GPC6: variants seen among roughly 807,000 people sequenced by gnomAD.
The protein encoded by GPC6 is glypican 6.
In GPC6, 14 loss-of-function variants were observed where a neutral mutation model predicts 55.2. That is an observed-to-expected ratio of 0.25 (90% confidence interval 0.17 to 0.40). The LOEUF (loss-of-function observed/expected upper bound fraction) is 0.40, where lower values mean the gene tolerates loss of function less well. GPC6 is among the 10% of genes least tolerant of loss of function. The pLI is 1.00. For missense variants in GPC6, 641 were observed against 708.5 expected (o/e 0.90, Z 1.08); for synonymous variants, 278 against 259.6 (o/e 1.07, Z -0.68).
intron 2 of GPC6, among the ~76,000 whole-genome samples, chr13:93,778,007 G>A (rs906739966): frequency 6.6e-6 from 1 of 152,156 alleles, no homozygotes; most frequent in Non-Finnish European, 1.5e-5. Context: ...TCAAAGGTGA[G>A]CTTTTTCAAT....
At chr13:93,401,076 T>G (rs1876053685) in intron 1 of GPC6, among the ~76,000 whole-genome samples, 2 of 152,056 alleles carry the variant, frequency 1.3e-5, no homozygotes, top group Admixed American at 1.3e-4. Context: ...ATAATATAAG[T>G]TGAAATCATA....
chr13:94,225,133 G>T (rs146022826), intron 4 of GPC6, among the ~76,000 whole-genome samples: 1 of 152,166 alleles, frequency 6.6e-6, no homozygotes, highest in East Asian at 1.9e-4. Flanking sequence ...TAGGGTGTCG[G>T]CTGTTCTTTG....
At chr13:94,314,518 G>A (rs1052550129) in intron 6 of GPC6, among the ~76,000 whole-genome samples, 1 of 152,156 alleles carries the variant, frequency 6.6e-6, no homozygotes, top group Admixed American at 6.5e-5. Context: ...TGTAATTGGT[G>A]TTTTGGTAGA....
At chr13:94,173,512 A>G (rs556784694) in intron 4 of GPC6, among the ~76,000 whole-genome samples, 17 of 152,274 alleles carry the variant, frequency 1.1e-4, no homozygotes. Context: ...GATTCTGTGA[A>G]AAAGATGACC....
intron 3 of GPC6, among the ~76,000 whole-genome samples, chr13:93,922,916 A>G (rs1310518538): frequency 1.3e-5 from 2 of 152,178 alleles, no homozygotes; most frequent in Admixed American, 6.5e-5. Context: ...ACCATTCAAT[A>G]CCACCTCTTA....
chr13:94,125,780 G>A (rs1320502764), intron 4 of GPC6, among the ~76,000 whole-genome samples: 2 of 151,688 alleles, frequency 1.3e-5, no homozygotes, highest in Non-Finnish European at 2.9e-5. Flanking sequence ...TGAGCGTGGA[G>A]CACTGCTGTG....
chr13:93,443,456 A>T (rs575889328), intron 1 of GPC6, among the ~76,000 whole-genome samples: 2 of 152,340 alleles, frequency 1.3e-5, no homozygotes, highest in Admixed American at 6.5e-5. Flanking sequence ...CATTTTGTTA[A>T]GCACCTTGGT....
Position 94,262,291 on chromosome 13 carries a change from C to T in GPC6, c.878-24058C>T, listed in dbSNP as rs572552860. On this transcript the variant is annotated intron_variant, in intron 4 of 8. Transcript: ENST00000377047. ...GGTCTACACTGATGCCAGGGGTCCA[C>T]AGGCAAGATCCTGACTTACCTAGTT... Among the ~76,000 whole-genome samples, 4 of 152,266 alleles carry T rather than the reference C, an allele frequency of 2.6e-5. No homozygotes were observed. In the East Asian group the frequency reaches 7.7e-4, roughly 29 times the overall value.
chr13:93,246,778 C>G (rs1395726126), intron 1 of GPC6, among the ~76,000 whole-genome samples: 2 of 89,972 alleles, frequency 2.2e-5, no homozygotes, highest in East Asian at 3.5e-4. Context: ...GGCGGCAGAG[C>G]AAGACTGTCT....
At chr13:93,952,959 C>T (rs1233774593) in intron 3 of GPC6, among the ~76,000 whole-genome samples, 1 of 149,446 alleles carries the variant, frequency 6.7e-6, no homozygotes, top group African/African-American at 2.5e-5. Context: ...TGGCTCAAAA[C>T]ACCTCTATTA....
chr13:93,879,211 T>C, intron 3 of GPC6, among the ~76,000 whole-genome samples: 1 of 152,136 alleles, frequency 6.6e-6, no homozygotes, highest in Non-Finnish European at 1.5e-5. Flanking sequence ...TTCTCTGTAT[T>C]GGTGATTTTA....
intron 1 of GPC6, among the ~76,000 whole-genome samples, chr13:93,269,891 C>CAAAA (rs529558741): frequency 5.7e-5 from 3 of 52,576 alleles, no homozygotes; most frequent in African/African-American, 7.7e-5. Context: ...GACTCCATCT[C>CAAAA]AAAAAAAAAA....
chr13:93,976,824 G>T (rs1422330574), intron 3 of GPC6, among the ~76,000 whole-genome samples: 1 of 151,714 alleles, frequency 6.6e-6, no homozygotes, highest in Non-Finnish European at 1.5e-5. Flanking sequence ...GAGGTTATTT[G>T]TCAGCCTGTA....
intron 1 of GPC6, among the ~76,000 whole-genome samples, chr13:93,232,060 G>A (rs866293769): frequency 2.0e-5 from 3 of 151,178 alleles, no homozygotes; most frequent in African/African-American, 4.9e-5. Flanking sequence ...CTGCTCCCCC[G>A]GCAAACCAAC....
intron 2 of GPC6, chr13:93,818,503 A>G (rs984200225): frequency 6.6e-6 from 1 of 152,138 alleles, no homozygotes; most frequent in African/African-American, 2.4e-5. Flanking sequence ...TCCCCTGGTC[A>G]TTAATTAGCT....
chr13:94,231,058 A>T (rs376905540), intron 4 of GPC6, among the ~76,000 whole-genome samples: 1 of 152,172 alleles, frequency 6.6e-6, no homozygotes, highest in East Asian at 1.9e-4. Context: ...GTGTCTCCAT[A>T]GCCATGTTGC....
At chr13:94,205,356 G>A (rs1392870652) in intron 4 of GPC6, among the ~76,000 whole-genome samples, 4 of 152,102 alleles carry the variant, frequency 2.6e-5, no homozygotes, top group African/African-American at 4.8e-5. Context: ...TGGTCATTAC[G>A]TTTCTTGTGT....
In GPC6 at chr13:93,805,725, C is replaced by A. The variant is rs374424012; in HGVS notation, c.320-24429C>A. Reference sequence around the variant, plus strand: ...GGAGCAGAATTGTTGATCATCCCCTCCAATCTTGTTTAGTACTTCCACTGA... The same window carrying A: ...GGAGCAGAATTGTTGATCATCCCCTACAATCTTGTTTAGTACTTCCACTGA... On this transcript the variant is annotated intron_variant, in intron 2 of 8. Transcript: ENST00000377047. 7.0e-4 allele frequency among the ~76,000 whole-genome samples: 106 copies of A among 152,270 alleles called. 1 individual carries two copies. The highest frequency in any genetic ancestry group is 2.5e-3 in the African/African-American group (103 of 41,566).
intron 1 of GPC6, among the ~76,000 whole-genome samples, chr13:93,414,523 G>A (rs1176923230): frequency 6.6e-6 from 1 of 152,056 alleles, no homozygotes; most frequent in East Asian, 1.9e-4. Flanking sequence ...TATATATCCA[G>A]AATTTAGAAC....
Sources: gnomAD v4.1 joint callset for allele counts (sites outside exome capture counted in the v4.1 genomes callset) on GRCh38, gnomAD v4.1.1 for gene constraint, MANE v1.5 for transcripts, NCBI Gene and HGNC (gene_info 2026-07-23, HGNC 2026-07-21) for gene names.